Variants in PCCA observed in about 807,000 individuals in gnomAD.
PCCA encodes propionyl-CoA carboxylase alpha chain, mitochondrial.
Under a neutral mutation model 101.3 loss-of-function variants are expected in PCCA, and 74 were observed. That is an observed-to-expected ratio of 0.73 (90% CI 0.61 to 0.89). PCCA has a LOEUF of 0.89. Ranked by LOEUF, PCCA falls within the 40% of genes least tolerant of loss-of-function variation. The pLI is 0.00. For missense variants in PCCA, 891 were observed against 907.0 expected, an observed-to-expected ratio of 0.98 and a Z score of 0.23; for synonymous variants, 294 against 313.6, an observed-to-expected ratio of 0.94 and a Z score of 0.66.
chr13:100,135,620 T>C (rs2051068156), intron 4 of PCCA, among the ~76,000 whole-genome samples: 1 of 150,502 alleles, frequency 6.6e-6, no homozygotes, highest in African/African-American at 2.5e-5. Flanking sequence ...GACAGTTCGA[T>C]TTTTTTTTCT....
At chr13:100,143,931 A>AT (rs765528415) in intron 4 of PCCA, among the ~76,000 whole-genome samples, 2,788 of 143,358 alleles carry the variant, frequency 0.019, 62 homozygotes, top group African/African-American at 0.054. Context: ...ATTAAGAGAA[A>AT]TTTTTTTTTT....
chr13:100,285,349 A>G (rs187826765), intron 12 of PCCA, among the ~76,000 whole-genome samples: 70 of 152,228 alleles, frequency 4.6e-4, no homozygotes, highest in Admixed American at 2.3e-3. Flanking sequence ...CCACAGTACA[A>G]AGCTTCTCTT....
intron 12 of PCCA, among the ~76,000 whole-genome samples, chr13:100,277,022 G>C (rs2063714524): frequency 6.6e-6 from 1 of 152,050 alleles, no homozygotes; most frequent in Non-Finnish European, 1.5e-5. Flanking sequence ...CTTTCTTATA[G>C]AGATTTTTCA....
chr13:100,090,715 A>G (rs924361555), intron 1 of PCCA, among the ~76,000 whole-genome samples: 1 of 152,204 alleles, frequency 6.6e-6, no homozygotes, highest in Non-Finnish European at 1.5e-5. Context: ...AAGATTTTGA[A>G]TTCTGTGTTC....
chr13:100,409,750 C>A (rs1216949400), intron 19 of PCCA, among the ~76,000 whole-genome samples: 2 of 152,204 alleles, frequency 1.3e-5, no homozygotes, highest in South Asian at 2.1e-4. Context: ...TAGAGTTGGC[C>A]ATTTTTGTCA....
At chr13:100,230,672 G>A (rs1367618339) in intron 7 of PCCA, among the ~76,000 whole-genome samples, 1 of 152,046 alleles carries the variant, frequency 6.6e-6, no homozygotes, top group Non-Finnish European at 1.5e-5. Context: ...GATCCCTCTT[G>A]CCTCTCAAAG....
At chr13:100,262,039 A>C (rs1049249693) in intron 9 of PCCA, among the ~76,000 whole-genome samples, 2 of 152,154 alleles carry the variant, frequency 1.3e-5, no homozygotes, top group Non-Finnish European at 2.9e-5. Flanking sequence ...TAGTGGAATT[A>C]AGGTATATTA....
intron 21 of PCCA, among the ~76,000 whole-genome samples, chr13:100,506,218 C>T (rs918156254): frequency 7.9e-5 from 12 of 152,108 alleles, no homozygotes; most frequent in African/African-American, 2.9e-4. Context: ...ACTTGGCCAC[C>T]TTCAGCATCG....
At chr13:100,254,791 G>C (rs1017833753) in intron 8 of PCCA, among the ~76,000 whole-genome samples, 2 of 152,060 alleles carry the variant, frequency 1.3e-5, no homozygotes, top group Non-Finnish European at 2.9e-5. Context: ...TAAATTAAGA[G>C]TTAGTATCAG....
At chr13:100,454,180 A>T (rs1202121835) in intron 21 of PCCA, among the ~76,000 whole-genome samples, 1 of 152,166 alleles carries the variant, frequency 6.6e-6, no homozygotes, top group African/African-American at 2.4e-5. Context: ...GGCCAAAAAA[A>T]AAAAGAATTT....
intron 19 of PCCA, among the ~76,000 whole-genome samples, chr13:100,373,716 G>C (rs1480077866): frequency 1.3e-5 from 2 of 152,196 alleles, no homozygotes; most frequent in African/African-American, 4.8e-5. Context: ...TAATACCACT[G>C]AACTGTACAT....
chr13:100,110,039 A>G (rs1434479216), intron 2 of PCCA, among the ~76,000 whole-genome samples: 1 of 152,168 alleles, frequency 6.6e-6, no homozygotes, highest in Non-Finnish European at 1.5e-5. Context: ...AGGCTGAGGC[A>G]GGAGAATATG....
intron 6 of PCCA, among the ~76,000 whole-genome samples, chr13:100,169,530 TTTA>T (rs1168288454): frequency 2.0e-5 from 3 of 151,818 alleles, no homozygotes; most frequent in Non-Finnish European, 4.4e-5. Flanking sequence ...TATTTTTTAT[TTTA>T]TTATTATTTT....
chr13:100,259,070 G>A (rs560172916), intron 9 of PCCA, among the ~76,000 whole-genome samples: 3 of 152,184 alleles, frequency 2.0e-5, no homozygotes, highest in Middle Eastern at 3.4e-3. Flanking sequence ...GCCACTAACC[G>A]TGAACACCAT....
chr13:100,435,878 T>C (rs2079894207), intron 20 of PCCA, among the ~76,000 whole-genome samples: 2 of 152,042 alleles, frequency 1.3e-5, no homozygotes, highest in African/African-American at 4.8e-5. Flanking sequence ...ACCCCGTCTC[T>C]ACTAAAAATA....
chr13:100,316,779 CT>C (rs376332378), intron 16 of PCCA, among the ~76,000 whole-genome samples: 53 of 146,074 alleles, frequency 3.6e-4, no homozygotes, highest in Admixed American at 4.8e-4. Flanking sequence ...TAATAGTATT[CT>C]TTTTTTTTTT....
chr13:100,260,391 GTGTGTGTT>G (rs1257192354), intron 9 of PCCA, among the ~76,000 whole-genome samples: 1 of 148,820 alleles, frequency 6.7e-6, no homozygotes, highest in Non-Finnish European at 1.5e-5. Context: ...GTGTGTGTGT[GTGTGTGTT>G]TTTTTTTTTT....
At chr13:100,132,355 A>G (rs980433865) in intron 4 of PCCA, among the ~76,000 whole-genome samples, 1 of 124,046 alleles carries the variant, frequency 8.1e-6, no homozygotes, top group African/African-American at 3.3e-5. Context: ...TTCCACCCTG[A>G]CACTGGCAAC....
chr13:100,101,742 G>A (rs894021221), intron 1 of PCCA, among the ~76,000 whole-genome samples: 2 of 151,722 alleles, frequency 1.3e-5, no homozygotes, highest in Non-Finnish European at 2.9e-5. Flanking sequence ...GACTACAGGT[G>A]TGTGCCACCA....
Sources: gnomAD v4.1 joint callset for allele counts (sites outside exome capture counted in the v4.1 genomes callset) on GRCh38, gnomAD v4.1.1 for gene constraint, MANE v1.5 for transcripts, NCBI Gene and HGNC (gene_info 2026-07-23, HGNC 2026-07-21) for gene names.